The following RUNX1 variants were observed in gnomAD, a reference collection of about 807,000 sequenced individuals.
RUNX1 encodes the protein runt-related transcription factor 1.
In RUNX1, 19 loss-of-function variants were observed where a neutral mutation model predicts 42.8. The observed-to-expected ratio is 0.44, with a 90% confidence interval of 0.31 to 0.65. The LOEUF (loss-of-function observed/expected upper bound fraction) is 0.65. Ranked by LOEUF, RUNX1 falls within the 30% of genes least tolerant of loss-of-function variation. The pLI, the probability that RUNX1 is intolerant of heterozygous loss-of-function variation, is 0.07. For synonymous variants in RUNX1, 271 were observed against 289.4 expected (o/e 0.94, Z 0.64); for missense variants, 528 against 672.0 (o/e 0.79, Z 2.37).
At chr21:34,808,433 C>T (rs1244389151) in intron 7 of RUNX1, among the ~76,000 whole-genome samples, 1 of 152,108 alleles carries the variant, frequency 6.6e-6, no homozygotes, top group African/African-American at 2.4e-5. Context: ...CTTCCGGGAC[C>T]CGTATTCATC....
chr21:34,838,818 A>T (rs2146100388), intron 6 of RUNX1, among the ~76,000 whole-genome samples: 1 of 152,220 alleles, frequency 6.6e-6, no homozygotes, highest in Middle Eastern at 3.4e-3. Flanking sequence ...TGGTAAAATA[A>T]ATCTCCCTAA....
chr21:35,019,404 T>A (rs1365667923), intron 2 of RUNX1, among the ~76,000 whole-genome samples: 2 of 152,172 alleles, frequency 1.3e-5, no homozygotes, highest in Non-Finnish European at 2.9e-5. Context: ...ATTCCACAGG[T>A]ATATGTCTTC....
chr21:34,947,954 T>C (rs1201134973), intron 2 of RUNX1, among the ~76,000 whole-genome samples: 1 of 152,182 alleles, frequency 6.6e-6, no homozygotes, highest in Non-Finnish European at 1.5e-5. Context: ...TCACCTTCTT[T>C]GCTCTCGTCC....
At chr21:34,936,627 T>C (rs2058487608) in intron 2 of RUNX1, among the ~76,000 whole-genome samples, 1 of 152,168 alleles carries the variant, frequency 6.6e-6, no homozygotes, top group African/African-American at 2.4e-5. Context: ...AACACTCGAA[T>C]GCACAAAGCA....
intron 2 of RUNX1, among the ~76,000 whole-genome samples, chr21:34,894,267 T>A (rs1050242967): frequency 2.6e-5 from 4 of 152,110 alleles, no homozygotes; most frequent in African/African-American, 9.7e-5. Flanking sequence ...AGCTTTTCCA[T>A]GTCTGAGTCT....
At chr21:34,966,239 A>G (rs1443235271) in intron 2 of RUNX1, among the ~76,000 whole-genome samples, 2 of 152,220 alleles carry the variant, frequency 1.3e-5, no homozygotes, top group Non-Finnish European at 2.9e-5. Context: ...TCTAAGTCCA[A>G]ACGTTGTTCT....
At chr21:34,915,150 CT>C (rs949875592) in intron 2 of RUNX1, among the ~76,000 whole-genome samples, 179 of 151,646 alleles carry the variant, frequency 1.2e-3, no homozygotes, top group African/African-American at 4.2e-3. Flanking sequence ...AGGACTTGAA[CT>C]TTTTTTTTAA....
chr21:34,904,716 T>C (rs2058203898), intron 2 of RUNX1, among the ~76,000 whole-genome samples: 1 of 152,188 alleles, frequency 6.6e-6, no homozygotes, highest in African/African-American at 2.4e-5. Context: ...ACAGCACTTC[T>C]AGGTAAGTTC....
chr21:35,036,285 A>G (rs1204058859), intron 2 of RUNX1, among the ~76,000 whole-genome samples: 1 of 152,108 alleles, frequency 6.6e-6, no homozygotes, highest in Non-Finnish European at 1.5e-5. Context: ...TTATTATATT[A>G]TTATTGTTTA....
intron 2 of RUNX1, among the ~76,000 whole-genome samples, chr21:34,905,996 C>A (rs1372281229): frequency 1.3e-5 from 2 of 152,196 alleles, no homozygotes; most frequent in Admixed American, 1.3e-4. Context: ...AGAATCCTCT[C>A]TCCTGGTGGT....
chr21:34,983,956 G>A (rs2058866130), intron 2 of RUNX1, among the ~76,000 whole-genome samples: 1 of 152,186 alleles, frequency 6.6e-6, no homozygotes, highest in African/African-American at 2.4e-5. Context: ...CTGAGAAGAT[G>A]ATTAATTCAG....
At chr21:34,991,956 C>T (rs953738923) in intron 2 of RUNX1, among the ~76,000 whole-genome samples, 1 of 152,166 alleles carries the variant, frequency 6.6e-6, no homozygotes, top group Admixed American at 6.5e-5. Flanking sequence ...CTGGCAACTG[C>T]TGTAAGGTAG....
chr21:34,946,721 G>A (rs1255538164), intron 2 of RUNX1, among the ~76,000 whole-genome samples: 1 of 152,100 alleles, frequency 6.6e-6, no homozygotes, highest in East Asian at 1.9e-4. Context: ...CCTGGGTCAG[G>A]GCTGTCTGGT....
chr21:34,961,545 G>C (rs1404526663), intron 2 of RUNX1, among the ~76,000 whole-genome samples: 1 of 152,114 alleles, frequency 6.6e-6, no homozygotes, highest in East Asian at 1.9e-4. Flanking sequence ...CTGAACTTCA[G>C]TTCCTTGTAG....
At chr21:35,031,029 C>T (rs1055011178) in intron 2 of RUNX1, among the ~76,000 whole-genome samples, 3 of 152,232 alleles carry the variant, frequency 2.0e-5, no homozygotes, top group Admixed American at 2.0e-4. Flanking sequence ...TATCACCTCA[C>T]ACCTGGTAGG....
intron 2 of RUNX1, among the ~76,000 whole-genome samples, chr21:34,926,976 C>A (rs2058400207): frequency 6.6e-6 from 1 of 152,128 alleles, no homozygotes; most frequent in Non-Finnish European, 1.5e-5. Context: ...TTTCCTTTCC[C>A]CAGAGGTCCC....
intron 8 of RUNX1, chr21:34,798,132 C>T (rs754532725): frequency 4.4e-6 from 2 of 456,648 alleles, no homozygotes; most frequent in South Asian, 3.1e-5. Context: ...AAATGGCAGA[C>T]ATGACTCCAC....
At chr21:34,965,726 C>T (rs941720769) in intron 2 of RUNX1, among the ~76,000 whole-genome samples, 2 of 152,024 alleles carry the variant, frequency 1.3e-5, no homozygotes, top group Admixed American at 1.3e-4. Flanking sequence ...ACACAGAGCA[C>T]ACACACACAC....
At chr21:34,904,915 T>A (rs949256097) in intron 2 of RUNX1, among the ~76,000 whole-genome samples, 6 of 152,210 alleles carry the variant, frequency 3.9e-5, no homozygotes, top group Non-Finnish European at 7.4e-5. Context: ...AAAATAGAAA[T>A]CATTTTGTTT....
Sources: allele counts gnomAD v4.1 joint callset (sites outside exome capture counted in the v4.1 genomes callset), GRCh38; gene constraint gnomAD v4.1.1; transcripts MANE v1.5; gene names NCBI Gene and HGNC (gene_info 2026-07-23, HGNC 2026-07-21).